Variants in PDZRN4 observed in about 807,000 individuals in gnomAD.
PDZRN4 encodes the protein PDZ domain-containing RING finger protein 4.
A neutral mutation model predicts 99.0 loss-of-function variants in PDZRN4; 70 were observed. The observed-to-expected ratio is 0.71, with a 90% CI of 0.58 to 0.86. PDZRN4 has a LOEUF of 0.86. Among genes scored for constraint, PDZRN4 ranks in the 40% least tolerant of loss-of-function variants. PDZRN4 has a pLI of 0.00. For synonymous variants in PDZRN4, 551 were observed against 501.6 expected (o/e 1.10, Z -1.32); for missense variants, 1,474 against 1,331.2 (o/e 1.11, Z -1.67).
chr12:41,244,240 C>G (rs1299563186), intron 3 of PDZRN4, among the ~76,000 whole-genome samples: 1 of 151,516 alleles, frequency 6.6e-6, no homozygotes, highest in African/African-American at 2.4e-5. Context: ...TGTTCCCACA[C>G]CTTACCTGAG....
chr12:41,198,213 C>A (rs1383373766), intron 3 of PDZRN4, among the ~76,000 whole-genome samples: 1 of 152,056 alleles, frequency 6.6e-6, no homozygotes, highest in Non-Finnish European at 1.5e-5. Flanking sequence ...CCATAGTGCC[C>A]AGTCTCCTCT....
intron 3 of PDZRN4, among the ~76,000 whole-genome samples, chr12:41,266,335 AT>A (rs1951276570): frequency 6.7e-6 from 1 of 149,070 alleles, no homozygotes; most frequent in African/African-American, 2.5e-5. Context: ...AAAAAAAAAA[AT>A]GAGATATTAA....
At chr12:41,407,815 A>G (rs763466542) in intron 3 of PDZRN4, among the ~76,000 whole-genome samples, 1 of 152,240 alleles carries the variant, frequency 6.6e-6, no homozygotes, top group Non-Finnish European at 1.5e-5. Context: ...TCTGCGAGAA[A>G]AGATGAGTCC....
At chr12:41,466,751 GTTT>G (rs61259671) in intron 3 of PDZRN4, among the ~76,000 whole-genome samples, 1 of 122,152 alleles carries the variant, frequency 8.2e-6, no homozygotes, top group Non-Finnish European at 1.7e-5. Context: ...TATTTCCAGT[GTTT>G]TTTTTTTTTT....
intron 5 of PDZRN4, among the ~76,000 whole-genome samples, chr12:41,519,469 C>T (rs80111943): frequency 6.6e-6 from 1 of 152,102 alleles, no homozygotes; most frequent in Admixed American, 6.6e-5. Flanking sequence ...TGCATCTTCA[C>T]AGCCAGGCCC....
intron 3 of PDZRN4, among the ~76,000 whole-genome samples, chr12:41,232,054 T>A (rs181525653): frequency 0.012 from 1,810 of 151,496 alleles, 18 homozygotes; most frequent in Middle Eastern, 0.024. Flanking sequence ...TATAAAAAAA[T>A]TTTTTTTGAC....
intron 3 of PDZRN4, among the ~76,000 whole-genome samples, chr12:41,385,367 T>A (rs918166960): frequency 1.3e-5 from 2 of 152,076 alleles, no homozygotes; most frequent in African/African-American, 2.4e-5. Flanking sequence ...AAAATGGACA[T>A]GCTATTAGCC....
chr12:41,566,551 C>G (rs1167177661), intron 8 of PDZRN4, among the ~76,000 whole-genome samples: 1 of 152,098 alleles, frequency 6.6e-6, no homozygotes, highest in Non-Finnish European at 1.5e-5. Flanking sequence ...AACAAATGTG[C>G]CAGCACTTTG....
At chr12:41,228,896 C>T (rs79241624) in intron 3 of PDZRN4, among the ~76,000 whole-genome samples, 3,625 of 152,054 alleles carry the variant, frequency 0.024, 110 homozygotes, top group African/African-American at 0.071. Flanking sequence ...GATAATCTCA[C>T]AGAATTTAAA....
At chr12:41,294,513 A>G (rs1951477547) in intron 3 of PDZRN4, among the ~76,000 whole-genome samples, 1 of 152,204 alleles carries the variant, frequency 6.6e-6, no homozygotes, top group Admixed American at 6.5e-5. Context: ...CTCTTAAATG[A>G]GGGAAGGGAA....
intron 3 of PDZRN4, among the ~76,000 whole-genome samples, chr12:41,214,237 G>A (rs1160455665): frequency 1.6e-5 from 2 of 127,974 alleles, no homozygotes; most frequent in African/African-American, 5.8e-5. Context: ...GAGCAACATA[G>A]TGAGACCCTG....
chr12:41,535,573 A>T (rs965531309), intron 5 of PDZRN4, among the ~76,000 whole-genome samples: 1 of 152,206 alleles, frequency 6.6e-6, no homozygotes, highest in Non-Finnish European at 1.5e-5. Context: ...TCCCCCAAAA[A>T]GCATGTGTTG....
At chr12:41,463,904 C>T (rs1952897425) in intron 3 of PDZRN4, among the ~76,000 whole-genome samples, 1 of 152,144 alleles carries the variant, frequency 6.6e-6, no homozygotes, top group Admixed American at 6.5e-5. Context: ...TAGCCATTTC[C>T]ATCTAACAGA....
chr12:41,344,708 A>C (rs963577200), intron 3 of PDZRN4, among the ~76,000 whole-genome samples: 4 of 149,878 alleles, frequency 2.7e-5, no homozygotes, highest in Non-Finnish European at 4.4e-5. Flanking sequence ...GCACTTTTAT[A>C]ATAATTAATT....
intron 4 of PDZRN4, 143 bp from the exon 5 acceptor site, chr12:41,509,668 C>T (rs1236675900): frequency 6.4e-6 from 3 of 469,258 alleles, no homozygotes; most frequent in Admixed American, 7.8e-5. Flanking sequence ...ATTGCTTTTC[C>T]TCAGCTGTAG....
At chr12:41,233,015 T>A (rs1438394841) in intron 3 of PDZRN4, among the ~76,000 whole-genome samples, 2 of 152,140 alleles carry the variant, frequency 1.3e-5, no homozygotes, top group African/African-American at 4.8e-5. Context: ...TCTGTTCTGT[T>A]CCATTGGTCT....
At chr12:41,205,783 T>C (rs889449846) in intron 3 of PDZRN4, among the ~76,000 whole-genome samples, 11 of 151,124 alleles carry the variant, frequency 7.3e-5, no homozygotes, top group Non-Finnish European at 8.8e-5. Context: ...AAGTGTCTAG[T>C]GCAACAAAAG....
rs141420240 is a variant in PDZRN4, at chr12:41,564,237, A to G, written c.1467+588A>G. ...GATCTGGTTCCATGTATAGTAAATG[A>G]ATTGTTTCCAAGTTTAGTGTGACCA... On this transcript the variant is annotated intron_variant, in intron 8 of 9. Transcript: ENST00000402685. 9.5e-4 allele frequency among the ~76,000 whole-genome samples: 145 copies of G among 152,320 alleles called. 1 individual carries two copies. The East Asian group carries it at 0.015, about 16-fold the overall frequency.
chr12:41,276,961 A>G (rs1290051494), intron 3 of PDZRN4, among the ~76,000 whole-genome samples: 1 of 152,192 alleles, frequency 6.6e-6, no homozygotes, highest in Non-Finnish European at 1.5e-5. Flanking sequence ...ACACTAATGC[A>G]AGATGGTAAC....
Sources: gnomAD v4.1 joint callset for allele counts (sites outside exome capture counted in the v4.1 genomes callset) on GRCh38, gnomAD v4.1.1 for gene constraint, MANE v1.5 for transcripts, NCBI Gene and HGNC (gene_info 2026-07-23, HGNC 2026-07-21) for gene names.